Variants in MPPED2 observed in about 807,000 individuals in gnomAD.
The protein encoded by MPPED2 is metallophosphoesterase MPPED2.
Under a neutral mutation model 33.0 loss-of-function variants are expected in MPPED2, and 5 were observed. The ratio of observed to expected loss-of-function variants is 0.15; its 90% confidence interval spans 0.08 to 0.32. The LOEUF (loss-of-function observed/expected upper bound fraction) is 0.32. Ranked by LOEUF, MPPED2 falls within the 10% of genes least tolerant of loss-of-function variation. The pLI, the probability that MPPED2 is intolerant of heterozygous loss-of-function variation, is 1.00. For synonymous variants in MPPED2, 136 were observed against 141.9 expected (o/e 0.96, Z 0.29); for missense variants, 275 against 372.1 (o/e 0.74, Z 2.15).
At chr11:30,448,151 C>T (rs947025099) in intron 4 of MPPED2, among the ~76,000 whole-genome samples, 5 of 152,168 alleles carry the variant, frequency 3.3e-5, no homozygotes, top group African/African-American at 7.2e-5. Context: ...AGTCAAATCA[C>T]AAGGGCATCA....
chr11:30,496,802 A>G lies in MPPED2; in HGVS notation c.311-1281T>C, dbSNP rs973249781. On this transcript the variant is annotated intron_variant, in intron 3 of 6. Transcript: ENST00000358117. ...CTGTAAAGATTACATTGTGAAGTCC[A>G]CACAGTCTCAGCAGCACATCACAAA... Among the ~76,000 whole-genome samples the G allele has an allele frequency of 5.9e-5, 9 of 152,348 alleles. No homozygotes were observed. In the East Asian group the frequency reaches 1.7e-3, roughly 29 times the overall value.
chr11:30,406,795 A>G (rs10835664), downstream of MPPED2, among the ~76,000 whole-genome samples: 37,408 of 152,070 alleles, frequency 0.25, 5,328 homozygotes, highest in East Asian at 0.58. Context: ...AATTGTTCCT[A>G]CCCCATACCT....
At chr11:30,526,092 A>G (rs1210355253) in intron 3 of MPPED2, among the ~76,000 whole-genome samples, 1 of 152,242 alleles carries the variant, frequency 6.6e-6, no homozygotes, top group Admixed American at 6.5e-5. Flanking sequence ...CTTTTATATG[A>G]ATTAGACCAT....
At chr11:30,561,880 T>G (rs1422052426) in intron 2 of MPPED2, among the ~76,000 whole-genome samples, 1 of 152,158 alleles carries the variant, frequency 6.6e-6, no homozygotes, top group Non-Finnish European at 1.5e-5. Context: ...GTAACACCAC[T>G]TCCTTTTGGT....
chr11:30,461,630 C>T (rs147651680), intron 4 of MPPED2, among the ~76,000 whole-genome samples: 2 of 152,142 alleles, frequency 1.3e-5, no homozygotes, highest in East Asian at 1.9e-4. Flanking sequence ...TGGAGACTTG[C>T]CTGACCTTAC....
intron 2 of MPPED2, among the ~76,000 whole-genome samples, chr11:30,574,190 A>C (rs981362463): frequency 6.6e-6 from 1 of 152,194 alleles, no homozygotes; most frequent in Admixed American, 6.5e-5. Context: ...CCAGTCCTAT[A>C]TGCCCCATTC....
intron 4 of MPPED2, among the ~76,000 whole-genome samples, chr11:30,449,693 T>C (rs894344443): frequency 6.6e-6 from 1 of 152,170 alleles, no homozygotes; most frequent in Non-Finnish European, 1.5e-5. Flanking sequence ...GTTCTCCCCT[T>C]TTCTGCCTAA....
intron 2 of MPPED2, among the ~76,000 whole-genome samples, chr11:30,575,558 T>G (rs1956894343): frequency 6.6e-6 from 1 of 152,230 alleles, no homozygotes; most frequent in African/African-American, 2.4e-5. Flanking sequence ...ATGTGTATAT[T>G]GTCCTCATTC....
At chr11:30,582,578 G>A (rs1957218162) in intron 1 of MPPED2, among the ~76,000 whole-genome samples, 1 of 152,162 alleles carries the variant, frequency 6.6e-6, no homozygotes, top group Non-Finnish European at 1.5e-5. Context: ...ATTAAACCAA[G>A]CAAATGTGGC....
rs71060450 is a variant in MPPED2, at chr11:30,458,914, C to CTTTTTTTTT, written c.536+36373_536+36381dup. On this transcript the variant is annotated intron_variant, in intron 4 of 6. Transcript: ENST00000358117. Reference sequence around the variant, plus strand: ...TTTTTTAGGACAATTTTGCACAGTTCTTTTTTTTTTTTTTTTTTTTTTTTT... The same window carrying CTTTTTTTTT: ...TTTTTTAGGACAATTTTGCACAGTTCTTTTTTTTTTTTTTTTTTTTTTTTTTTTTTTTTT... 7.3e-4 allele frequency among the ~76,000 whole-genome samples: 47 copies of CTTTTTTTTT among 64,544 alleles called. 5 individuals carry two copies. Among genetic ancestry groups the CTTTTTTTTT allele is most frequent in the Admixed American group, 1.6e-3 (8 of 4,868 alleles). The allele number at this position is 64,544 out of a possible 152,430, so 42.3% of individuals were successfully genotyped here.
chr11:30,437,628 T>C (rs1414803857), intron 4 of MPPED2, among the ~76,000 whole-genome samples: 4 of 152,346 alleles, frequency 2.6e-5, no homozygotes, highest in East Asian at 1.9e-4. Context: ...CTCTACCCAG[T>C]TGACTTTTGC....
intron 4 of MPPED2, among the ~76,000 whole-genome samples, chr11:30,435,791 T>C (rs1949297613): frequency 6.6e-6 from 1 of 152,170 alleles, no homozygotes; most frequent in Non-Finnish European, 1.5e-5. Context: ...TGTCAATCTG[T>C]GTGCAATGAA....
At chr11:30,427,355 A>C (rs1948885751) in intron 4 of MPPED2, among the ~76,000 whole-genome samples, 1 of 152,228 alleles carries the variant, frequency 6.6e-6, no homozygotes, top group Non-Finnish European at 1.5e-5. Flanking sequence ...TTATGTTGCT[A>C]ATACTGGTTT....
At chr11:30,548,481 A>T (rs1224709996) in intron 2 of MPPED2, among the ~76,000 whole-genome samples, 1 of 152,172 alleles carries the variant, frequency 6.6e-6, no homozygotes, top group African/African-American at 2.4e-5. Context: ...TGGTCTCCCA[A>T]AGCACTGGGA....
chr11:30,446,481 A>G (rs547185468), intron 4 of MPPED2, among the ~76,000 whole-genome samples: 10 of 147,336 alleles, frequency 6.8e-5, no homozygotes, highest in South Asian at 2.1e-4. Flanking sequence ...CTCCAAAGGG[A>G]AAAAAAAAAC....
intron 6 of MPPED2, among the ~76,000 whole-genome samples, chr11:30,413,307 T>C (rs1948195886): frequency 6.6e-6 from 1 of 152,228 alleles, no homozygotes; most frequent in South Asian, 2.1e-4. Context: ...TCCAGAGAGC[T>C]GCCATAAGCA....
At chr11:30,471,483 T>C (rs1457666061) in intron 4 of MPPED2, among the ~76,000 whole-genome samples, 1 of 152,216 alleles carries the variant, frequency 6.6e-6, no homozygotes, top group African/African-American at 2.4e-5. Context: ...ATGCTGCCCT[T>C]TCTGCCTTAA....
At chr11:30,392,838 T>C (rs1469891737) in intron 6 of MPPED2, among the ~76,000 whole-genome samples, 1 of 152,170 alleles carries the variant, frequency 6.6e-6, no homozygotes, top group East Asian at 1.9e-4. Flanking sequence ...AGCAGCAATA[T>C]CTGAGGAAGA....
intron 6 of MPPED2, among the ~76,000 whole-genome samples, chr11:30,411,855 T>C (rs2133732789): frequency 6.6e-6 from 1 of 152,304 alleles, no homozygotes; most frequent in South Asian, 2.1e-4. Context: ...GTGATTTCTT[T>C]ACTAGGGAGA....
Sources: allele counts gnomAD v4.1 joint callset (sites outside exome capture counted in the v4.1 genomes callset), GRCh38; gene constraint gnomAD v4.1.1; transcripts MANE v1.5; gene names NCBI Gene and HGNC (gene_info 2026-07-23, HGNC 2026-07-21).